Variants in OBSL1 observed in about 807,000 individuals in gnomAD.
The protein encoded by OBSL1 is obscurin-like protein 1.
A neutral mutation model predicts 172.0 loss-of-function variants in OBSL1; 160 were observed. That is an observed-to-expected ratio of 0.93 (90% CI 0.82 to 1.06). OBSL1 has a LOEUF of 1.06. Ranked by LOEUF, OBSL1 falls within the 50% of genes least tolerant of loss-of-function variation. The pLI is 0.00. For synonymous variants in OBSL1, 1,200 were observed against 1,196.3 expected (o/e 1.00, Z -0.06); for missense variants, 2,681 against 2,715.4 (o/e 0.99, Z 0.28).
downstream of OBSL1, chr2:219,549,224 G>C: frequency 6.2e-7 from 1 of 1,614,016 alleles, no homozygotes; most frequent in East Asian, 2.2e-5. Flanking sequence ...AAGGAGAAAA[G>C]GCGGAAAAAG....
At chr2:219,551,986 C>T in intron 19 of OBSL1, 126 bp downstream of exon 19, 2 of 1,081,838 alleles carry the variant, frequency 1.8e-6, no homozygotes, top group Admixed American at 2.1e-5. Flanking sequence ...TGACCCGGCC[C>T]AGGAGAGCCC....
rs989204229 is a variant in OBSL1, at chr2:219,551,630, G to A, written c.5582C>T (p.Pro1861Leu). Reference sequence around the variant, plus strand: ...GTCATGGATGACCAGGCTGTGGGTGGGGCCGTGGCTGCGCATCTCATACTT... The same window carrying A: ...GTCATGGATGACCAGGCTGTGGGTGAGGCCGTGGCTGCGCATCTCATACTT... ...GDKYEMRSHGPTHSLVIHDVR... is the reference protein window; with the variant it reads ...GDKYEMRSHGLTHSLVIHDVR... The change falls in exon 20 of 21, where the codon CCC (proline) becomes CTC (leucine). Residue 1861 changes from proline to leucine, a missense_variant. Physicochemically the swap from Pro to Leu is moderately conservative, Grantham distance 98. Around this residue, in one of 5 missense-constraint regions of OBSL1, gnomAD observed 1,765 missense variants for 1,748.3 expected, o/e 1.01. Transcript: ENST00000404537. 3 of 1,611,710 alleles carry A rather than the reference G, an allele frequency of 1.9e-6. No homozygotes were observed. Among genetic ancestry groups the A allele is most frequent in the African/African-American group, 2.7e-5 (2 of 75,026 alleles).
chr2:219,554,545 C>T lies in OBSL1; in HGVS notation c.4805G>A (p.Gly1602Asp). 6.2e-7 allele frequency: 1 copy of T among 1,613,374 alleles called. No individual in the cohort carries two copies. The highest frequency in any genetic ancestry group is 1.7e-4 in the Middle Eastern group (1 of 6,058). ...GGAGACACAGCCTGAGTCGGCCAGG[C>T]CCAGGCCATTGAGTACCAGTCGGTG... ...HRHRLVLNGL[G>D]LADSGCVSFT... The change falls in exon 15 of 21, where the codon GGC (glycine) becomes GAC (aspartate). Residue 1602 changes from glycine (G) to aspartate (D), a missense_variant. By Grantham distance (94) the Gly-to-Asp change is moderately conservative (BLOSUM62 -1). This residue lies in a region of OBSL1 where 1,765 missense variants were observed against 1,748.3 expected (regional missense o/e 1.01). Transcript: ENST00000404537.
At position 219,557,455 on chromosome 2, in the gene OBSL1, C is replaced by T. The variant is rs1422677942; in HGVS notation, c.3954G>A (p.Glu1318=). The T allele has an allele frequency of 6.5e-7, 1 of 1,548,772 alleles. No individual in the cohort carries two copies. The highest frequency in any genetic ancestry group is 1.2e-5 in the South Asian group (1 of 84,058). ...RLASQGRVQL[E]QAGARQVLRV... is the part of the protein sequence containing the mutation. ...GCAGCACCTGCCTGGCCCCGGCCTG[C>T]TCCAGCTGCACCCGCCCCTGGCTTG... The change falls in exon 12 of 21, where the codon GAG becomes GAA. Residue 1318 remains glutamate, a synonymous_variant. Coordinates refer to ENST00000404537, the MANE Select transcript of OBSL1 (RefSeq NM_015311.3).
Position 219,567,017 on chromosome 2 carries a change from A to G in OBSL1, c.1947T>C (p.Leu649=). ...CGTTACTCTTGAGCTCTTCCCCATT[A>G]AGGAACCAGGTACCCTGGATGATGG... ...LSTIIQGTWF[L]NGEELKSNEP... Residue 649 remains leucine, a synonymous_variant, in exon 5 of 21, where the codon CTT becomes CTC. Coordinates refer to ENST00000404537, the MANE Select transcript of OBSL1 (RefSeq NM_015311.3). The G allele has an allele frequency of 1.2e-6, 2 of 1,613,630 alleles. No individual in the cohort carries two copies. Among genetic ancestry groups the G allele is most frequent in the Non-Finnish European group, 1.7e-6 (2 of 1,179,852 alleles).
intron 5 of OBSL1, among the ~76,000 whole-genome samples, chr2:219,566,407 G>A (rs1696895469): frequency 6.6e-6 from 1 of 152,092 alleles, no homozygotes. Context: ...TATCTTATAG[G>A]GCCATTGAGA....
chr2:219,570,140 C>T (rs1697227437), intron 1 of OBSL1, 81 bp downstream of exon 1: 1 of 1,278,766 alleles, frequency 7.8e-7, no homozygotes, highest in South Asian at 1.7e-5. Context: ...GGGGGCAGCG[C>T]TGGGCACCGA....
rs1442874959 is a variant in OBSL1 at position 219,551,583 on chromosome 2, T to G, written c.5629A>C (p.Thr1877Pro). Residue 1877 changes from threonine (T) to proline (P), a missense_variant, in exon 20 of 21, where the codon ACT (threonine) becomes CCT (proline). By Grantham distance (38) the Thr-to-Pro change is conservative. Transcript: ENST00000404537. ...IHDVRPEDQG[T>P]YCCQAGQDST... The stretch of plus-strand genomic sequence containing the variant: ...TCCTGGCCGGCCTGGCAGCAGTAAG[T>G]GCCTTGGTCCTCAGGTCGAACGTCA... The G allele has an allele frequency of 6.2e-7, 1 of 1,607,490 alleles. No homozygotes were observed. The highest frequency in any genetic ancestry group is 1.3e-5 in the African/African-American group (1 of 74,800).
At chr2:219,550,867 G>C in intron 20 of OBSL1, 25 bp from the exon 21 acceptor site, 2 of 1,578,724 alleles carry the variant, frequency 1.3e-6, no homozygotes, top group Non-Finnish European at 1.7e-6. Flanking sequence ...CTCCACATGG[G>C]GCTGGGGAGA....
downstream of OBSL1, chr2:219,547,366 C>A: frequency 1.5e-6 from 1 of 661,896 alleles, no homozygotes; most frequent in Non-Finnish European, 2.3e-6. Context: ...GCCGTCATGA[C>A]TCCAGTGACC....
chr2:219,556,334 A>G, intron 13 of OBSL1, 42 bp from the exon 14 acceptor site: 1 of 1,568,572 alleles, frequency 6.4e-7, no homozygotes, highest in Non-Finnish European at 8.7e-7. Flanking sequence ...GTGGGGTTGG[A>G]GGCTGGCCCC....
intron 15 of OBSL1, 27 bp from the exon 16 acceptor site, chr2:219,553,713 C>T (rs771958357): frequency 8.4e-6 from 13 of 1,539,834 alleles, no homozygotes; most frequent in Non-Finnish European, 1.2e-5. Context: ...GAGGACAGTG[C>T]AGAGGGAGCA....
chr2:219,567,562 A>G lies in OBSL1; in HGVS notation c.1548T>C (p.Ser516=). 6.2e-7 allele frequency: 1 copy of G among 1,608,738 alleles called. No individual in the cohort carries two copies. Among genetic ancestry groups the G allele is most frequent in the Non-Finnish European group, 8.5e-7 (1 of 1,176,092 alleles). ...TLLRVKCVKH[S]PPGPPILAEM... ...CTGCCAATATGGGGGGTCCTGGGGG[A>G]CTGTGCTTGACACCTGAGACCAAGG... Residue 516 remains serine, a synonymous_variant, in exon 4 of 21, where the codon AGT becomes AGC. Coordinates refer to ENST00000404537, the MANE Select transcript of OBSL1 (RefSeq NM_015311.3).
At chr2:219,566,585 A>C (rs917972445) in intron 5 of OBSL1, among the ~76,000 whole-genome samples, 4 of 152,168 alleles carry the variant, frequency 2.6e-5, no homozygotes, top group African/African-American at 9.7e-5. Flanking sequence ...TGTAAACCAC[A>C]AAGCACTCCA....
In OBSL1 at chr2:219,556,253, C is replaced by A; in HGVS notation, c.4376G>T (p.Arg1459Leu). 1.3e-6 allele frequency: 2 copies of A among 1,596,336 alleles called. No individual in the cohort carries two copies. The highest frequency in any genetic ancestry group is 1.7e-6 in the Non-Finnish European group (2 of 1,167,652). ...LLFLRRLQDVRAEEGQDVCLE... is the reference protein window; with the variant it reads ...LLFLRRLQDVLAEEGQDVCLE... Reference sequence around the variant, plus strand: ...ACACACATCCTGGCCTTCCTCTGCCCGCACATCCTGCAACCGCCGTAGGAA... The same window carrying A: ...ACACACATCCTGGCCTTCCTCTGCCAGCACATCCTGCAACCGCCGTAGGAA... The change falls in exon 14 of 21, where the codon CGG becomes CTG. Residue 1459 changes from arginine to leucine, a missense_variant. Physicochemically the swap from Arg to Leu is moderately radical, Grantham distance 102. Coordinates refer to ENST00000404537, the MANE Select transcript of OBSL1 (RefSeq NM_015311.3).
chr2:219,553,044 A>AG lies in OBSL1; in HGVS notation c.4990-21dup. On this transcript the variant is annotated intron_variant, in intron 16 of 20. Transcript: ENST00000404537. ...CCCGTCCTAGGGGCGGGAGTTGCAG[A>AG]GGGTCGGGGCGAGCCCGGCTGGGCA... The AG allele has an allele frequency of 1.4e-6, 2 of 1,477,170 alleles. No homozygotes were observed. Among genetic ancestry groups the AG allele is most frequent in the South Asian group, 2.7e-5 (2 of 75,014 alleles). The allele number at this position is 1,477,170 out of a possible 1,614,324, so 91.5% of individuals were successfully genotyped here.
In OBSL1 at chr2:219,567,416, T is replaced by A; in HGVS notation, c.1694A>T (p.Gln565Leu). 6.2e-7 allele frequency: 1 copy of A among 1,613,130 alleles called. No homozygotes were observed. The highest frequency in any genetic ancestry group is 8.5e-7 in the Non-Finnish European group (1 of 1,179,590). ...RQEVGSEDWIQCFSIEKAGAV... is the reference protein window; with the variant it reads ...RQEVGSEDWILCFSIEKAGAV... ...TCCGGCTTTCTCGATGCTGAAGCAC[T>A]GAATCCAGTCTTCAGAGCCCACTTC... The change falls in exon 4 of 21, where the codon CAG becomes CTG. Residue 565 changes from glutamine to leucine, a missense_variant. Coordinates refer to ENST00000404537, the MANE Select transcript of OBSL1 (RefSeq NM_015311.3).
rs994664665 is a variant in OBSL1 at position 219,571,125 on chromosome 2, C to G, written c.108G>C (p.Leu36=). The G allele has an allele frequency of 1.4e-5, 21 of 1,478,554 alleles. No individual in the cohort carries two copies. Among genetic ancestry groups the G allele is most frequent in the Middle Eastern group, 1.8e-4 (1 of 5,692 alleles). 91.6% of individuals were successfully genotyped at this position (1,478,554 alleles called of 1,614,324 possible). A position where few individuals can be genotyped will look rare whatever the true frequency, so the allele number is the denominator to read the frequency against. The part of the protein sequence containing the change: ...GAEAELKCVV[L]GEPPPVVVWE... Reference sequence around the variant, plus strand: ...ACACCACTACAGGCGGCGGCTCCCCCAGGACCACGCACTTGAGCTCGGCCT... The same window carrying G: ...ACACCACTACAGGCGGCGGCTCCCCGAGGACCACGCACTTGAGCTCGGCCT... The change falls in exon 1 of 21, where the codon CTG becomes CTC. Residue 36 remains leucine, a synonymous_variant. Coordinates refer to ENST00000404537, the MANE Select transcript of OBSL1 (RefSeq NM_015311.3).
In OBSL1 at chr2:219,568,124, C is replaced by T. The variant is rs1697058355; in HGVS notation, c.1213G>A (p.Asp405Asn). The T allele has an allele frequency of 3.1e-6, 5 of 1,613,868 alleles. No homozygotes were observed. Among genetic ancestry groups the T allele is most frequent in the Non-Finnish European group, 4.2e-6 (5 of 1,179,904 alleles). The change falls in exon 2 of 21, where the codon GAC (aspartate) becomes AAC (asparagine). Residue 405 changes from aspartate (D) to asparagine (N), a missense_variant. This residue lies in a region of OBSL1 where 706 missense variants were observed against 695.8 expected (regional missense o/e 1.01). Coordinates refer to ENST00000404537, the MANE Select transcript of OBSL1 (RefSeq NM_015311.3). The surrounding 1 kb of genome is among the most constrained non-coding windows in gnomAD (Gnocchi z 4.1). ...RRLIIHRLKADDDGIYLCEMR... is the reference protein window; with the variant it reads ...RRLIIHRLKANDDGIYLCEMR... The stretch of plus-strand genomic sequence containing the variant: ...TCGCACAGGTAGATACCATCATCGT[C>T]TGCCTTCAGCCTGTGGATGATGAGG...
Sources: allele counts gnomAD v4.1 joint callset (sites outside exome capture counted in the v4.1 genomes callset), GRCh38; gene constraint gnomAD v4.1.1; regional missense constraint gnomAD v4.1.1; non-coding constraint Gnocchi (gnomAD v3.1); transcripts MANE v1.5; gene names NCBI Gene and HGNC (gene_info 2026-07-23, HGNC 2026-07-21).